MTUS1: variants seen among roughly 807,000 people sequenced by gnomAD.
The protein encoded by MTUS1 is microtubule associated scaffold protein 1.
In MTUS1, 109 loss-of-function variants were observed where a neutral mutation model predicts 120.8. The observed-to-expected ratio is 0.90, with a 90% CI of 0.77 to 1.06. The LOEUF (loss-of-function observed/expected upper bound fraction) is 1.06. MTUS1 is among the 50% of genes least tolerant of loss of function. The pLI is 0.00. For synonymous variants in MTUS1, 737 were observed against 550.5 expected (o/e 1.34, Z -4.74); for missense variants, 2,210 against 1,486.3 (o/e 1.49, Z -8.01).
At chr8:17,736,713 T>G (rs905430259) in intron 3 of MTUS1, among the ~76,000 whole-genome samples, 2 of 152,082 alleles carry the variant, frequency 1.3e-5, no homozygotes, top group African/African-American at 4.8e-5. Context: ...GCCTCCCAAG[T>G]AGCTGAGACC....
intron 3 of MTUS1, among the ~76,000 whole-genome samples, chr8:17,728,945 A>C (rs1224481888): frequency 6.6e-6 from 1 of 152,212 alleles, no homozygotes; most frequent in Non-Finnish European, 1.5e-5. Flanking sequence ...TAACTAAAAA[A>C]TGAAAAGATT....
intron 8 of MTUS1, among the ~76,000 whole-genome samples, chr8:17,668,980 C>T (rs1355922503): frequency 1.3e-5 from 2 of 152,212 alleles, no homozygotes; most frequent in Non-Finnish European, 2.9e-5. Flanking sequence ...CTACCTTTCC[C>T]TAGCTACCAC....
intron 1 of MTUS1, among the ~76,000 whole-genome samples, chr8:17,777,357 T>C (rs1177420176): frequency 6.6e-6 from 1 of 151,640 alleles, no homozygotes; most frequent in Non-Finnish European, 1.5e-5. Flanking sequence ...GAGAATCGCT[T>C]GAACCCAGGA....
At chr8:17,673,399 G>T (rs1377412449) in intron 8 of MTUS1, among the ~76,000 whole-genome samples, 1 of 152,170 alleles carries the variant, frequency 6.6e-6, no homozygotes. Context: ...TAAGAATCTG[G>T]ACGGTTAGTC....
intron 5 of MTUS1, among the ~76,000 whole-genome samples, chr8:17,714,421 T>C (rs1333463133): frequency 6.6e-6 from 1 of 152,176 alleles, no homozygotes; most frequent in Non-Finnish European, 1.5e-5. Context: ...AAGAGTTTCA[T>C]GCAGGTTAAC....
chr8:17,721,720 C>A, intron 4 of MTUS1: 2 of 1,546,166 alleles, frequency 1.3e-6, no homozygotes, highest in Non-Finnish European at 8.7e-7. Flanking sequence ...ACTTTTTTTC[C>A]CAGTAAACGT....
chr8:17,745,134 G>T (rs998902119), intron 2 of MTUS1, among the ~76,000 whole-genome samples: 10 of 152,138 alleles, frequency 6.6e-5, no homozygotes, highest in Non-Finnish European at 1.2e-4. Flanking sequence ...TTTTAATCCA[G>T]ATCATACCTT....
intron 3 of MTUS1, among the ~76,000 whole-genome samples, chr8:17,724,556 C>A (rs2046086769): frequency 6.6e-6 from 1 of 152,056 alleles, no homozygotes; most frequent in Non-Finnish European, 1.5e-5. Flanking sequence ...CTTAAATGAT[C>A]TTCACTCCAA....
At chr8:17,649,642 TC>T (rs1324714009) in intron 13 of MTUS1, among the ~76,000 whole-genome samples, 1 of 152,216 alleles carries the variant, frequency 6.6e-6, no homozygotes, top group East Asian at 1.9e-4. Context: ...TTTTACATGT[TC>T]CTTGAAAAAG....
At chr8:17,711,132 G>C (rs556420979) in intron 6 of MTUS1, among the ~76,000 whole-genome samples, 3 of 152,298 alleles carry the variant, frequency 2.0e-5, no homozygotes, top group South Asian at 2.1e-4. Context: ...AGAATTTTCA[G>C]AATGGTAAGT....
intron 1 of MTUS1, among the ~76,000 whole-genome samples, chr8:17,770,232 A>AT (rs1483099444): frequency 6.6e-6 from 1 of 152,190 alleles, no homozygotes; most frequent in East Asian, 1.9e-4. Context: ...CTGCATAATC[A>AT]TCTTAGCATT....
rs1047052576 is a variant in MTUS1, at chr8:17,753,811, T to C, written c.1997A>G (p.Lys666Arg). 6.2e-7 allele frequency: 1 copy of C among 1,614,048 alleles called. No individual in the cohort carries two copies. The highest frequency in any genetic ancestry group is 8.5e-7 in the Non-Finnish European group (1 of 1,179,978). ...VPNIDRISPE[K>R]KGEKENGTSM... The stretch of plus-strand genomic sequence containing the variant: ...TGTCCCATTTTCTTTTTCACCCTTC[T>C]TTTCAGGGCTAATCCTATCAATGTT... The change falls in exon 2 of 15, where the codon AAG (lysine) becomes AGG (arginine). Residue 666 changes from lysine to arginine, a missense_variant. By Grantham distance (26) the Lys-to-Arg change is conservative (BLOSUM62 2). Coordinates refer to ENST00000693296, the MANE Select transcript of MTUS1 (RefSeq NM_001363059.2).
At chr8:17,676,627 T>C in intron 7 of MTUS1, 1 of 387,900 alleles carries the variant, frequency 2.6e-6, no homozygotes, top group Non-Finnish European at 4.6e-6. Context: ...GATTGCCATT[T>C]AGTTAAATAT....
rs560898842 is a variant in MTUS1 at position 17,707,430 on chromosome 8, C to G, written c.2623+5784G>C. On this transcript the variant is annotated intron_variant, in intron 6 of 14. Transcript: ENST00000693296. ...TTAAGTCATGATAATAACTAACCAT[C>G]GAGAAGAACCTGGGAAAGTCATGCT... Among the ~76,000 whole-genome samples, 4 of 152,168 alleles carry G rather than the reference C, an allele frequency of 2.6e-5. No homozygotes were observed. The East Asian group carries it at 7.7e-4, about 29-fold the overall frequency.
chr8:17,706,521 A>G (rs939710677), intron 6 of MTUS1, among the ~76,000 whole-genome samples: 2 of 152,242 alleles, frequency 1.3e-5, no homozygotes, highest in African/African-American at 2.4e-5. Context: ...AGTCAAAAAA[A>G]TTTAAAAATA....
At chr8:17,791,720 G>C (rs2051799073) in intron 1 of MTUS1, among the ~76,000 whole-genome samples, 1 of 152,190 alleles carries the variant, frequency 6.6e-6, no homozygotes, top group Admixed American at 6.5e-5. Context: ...CTAAGGAAGA[G>C]GGAAAGTTAT....
intron 6 of MTUS1, chr8:17,708,693 C>CT (rs1820643675): frequency 1.3e-5 from 2 of 152,178 alleles, no homozygotes; most frequent in Non-Finnish European, 2.9e-5. Context: ...AAATAAAAGC[C>CT]TAAATGTGTA....
At chr8:17,693,922 G>C (rs753102793) in intron 6 of MTUS1, among the ~76,000 whole-genome samples, 41 of 152,192 alleles carry the variant, frequency 2.7e-4, no homozygotes, top group Non-Finnish European at 5.7e-4. Context: ...TAATGTGAAA[G>C]ACAGTCTAGA....
chr8:17,737,681 C>G lies in MTUS1; in HGVS notation c.2287+5923G>C, dbSNP rs1277736513. On this transcript the variant is annotated intron_variant, in intron 3 of 14. Coordinates refer to ENST00000693296, the MANE Select transcript of MTUS1 (RefSeq NM_001363059.2). Reference sequence around the variant, plus strand: ...TTTTAATGTTTTGTAAAGACAGGGTCTCACTCTGTTGCCCAGGTGGGTCTC... The same window carrying G: ...TTTTAATGTTTTGTAAAGACAGGGTGTCACTCTGTTGCCCAGGTGGGTCTC... Among the ~76,000 whole-genome samples the G allele has an allele frequency of 2.0e-5, 3 of 152,116 alleles. No homozygotes were observed. In the East Asian group the frequency reaches 5.8e-4, roughly 29 times the overall value.
Sources: allele counts gnomAD v4.1 joint callset (sites outside exome capture counted in the v4.1 genomes callset), GRCh38; gene constraint gnomAD v4.1.1; transcripts MANE v1.5; gene names NCBI Gene and HGNC (gene_info 2026-07-23, HGNC 2026-07-21).